Variants in C6orf89 observed in about 807,000 individuals in gnomAD.
C6orf89 encodes bombesin receptor-activated protein C6orf89.
In C6orf89, 29 loss-of-function variants were observed where a neutral mutation model predicts 40.7. The ratio of observed to expected loss-of-function variants is 0.71; its 90% CI spans 0.53 to 0.97. The LOEUF is 0.97. Among genes scored for constraint, C6orf89 ranks in the 50% least tolerant of loss-of-function variants. The probability of loss-of-function intolerance (pLI) is 0.00; values close to 1 mark genes in which losing one functional copy is unlikely to be tolerated. For synonymous variants in C6orf89, 165 were observed against 152.2 expected, an observed-to-expected ratio of 1.08 and a Z score of -0.62; for missense variants, 392 against 429.1, an observed-to-expected ratio of 0.91 and a Z score of 0.76.
At chr6:36,897,545 C>G (rs1761484397) in intron 2 of C6orf89, among the ~76,000 whole-genome samples, 1 of 152,216 alleles carries the variant, frequency 6.6e-6, no homozygotes, top group Admixed American at 6.5e-5. Flanking sequence ...GGGCTCTTCT[C>G]TCATTCCCCC....
At chr6:36,874,653 G>A (rs145636632) in intron 1 of C6orf89, 592 of 1,586,164 alleles carry the variant, frequency 3.7e-4, no homozygotes, top group African/African-American at 3.1e-3. Context: ...CAGGAACGCA[G>A]ACCCGTGGTG....
chr6:36,886,739 C>G lies in C6orf89; in HGVS notation c.-120+711C>G, dbSNP rs552133404. ...TACTTCCAGATACTTAGTATTCTGA[C>G]TTTTCTGATGGCTCATTTGGTAGTT... is the stretch of plus-strand genomic sequence containing the variant. On this transcript the variant is annotated intron_variant, in intron 1 of 8. Coordinates refer to ENST00000480824, the MANE Select transcript of C6orf89 (RefSeq NM_001286635.2). Among the ~76,000 whole-genome samples, 342 of 152,344 alleles carry G rather than the reference C, an allele frequency of 2.2e-3. 1 individual carries two copies. Among genetic ancestry groups the G allele is most frequent in the Non-Finnish European group, 4.6e-3 (316 of 68,028 alleles).
intron 4 of C6orf89, among the ~76,000 whole-genome samples, chr6:36,905,397 T>A (rs1761890842): frequency 6.6e-6 from 1 of 152,200 alleles, no homozygotes; most frequent in South Asian, 2.1e-4. Context: ...TCTACCACTG[T>A]CTCTCTCGGA....
At chr6:36,894,640 A>G in intron 2 of C6orf89, 37 bp downstream of exon 2, 3 of 829,912 alleles carry the variant, frequency 3.6e-6, no homozygotes, top group Non-Finnish European at 4.4e-6. Context: ...TGAAGTCAGG[A>G]CACTTGGGTT....
Position 36,923,569 on chromosome 6 carries a change from T to C in C6orf89, c.*128T>C. 1 of 736,162 alleles carries C rather than the reference T, an allele frequency of 1.4e-6. No homozygotes were observed. 45.6% of individuals were successfully genotyped at this position (736,162 alleles called of 1,614,324 possible). Reference sequence around the variant, plus strand: ...CTTAGTTACCTGCCCTTTGCATGCATGTGTGAACCAGCTGTGAGCTGCAAG... The same window carrying C: ...CTTAGTTACCTGCCCTTTGCATGCACGTGTGAACCAGCTGTGAGCTGCAAG... On this transcript the variant is annotated 3_prime_UTR_variant, in exon 9 of 9. Coordinates refer to ENST00000480824, the MANE Select transcript of C6orf89 (RefSeq NM_001286635.2).
Position 36,923,436 on chromosome 6 carries a change from C to T in C6orf89, c.1039C>T (p.Leu347=). 1 of 1,612,524 alleles carries T rather than the reference C, an allele frequency of 6.2e-7. No homozygotes were observed. Among genetic ancestry groups the T allele is most frequent in the Non-Finnish European group, 8.5e-7 (1 of 1,178,546 alleles). Residue 347 remains leucine, a synonymous_variant, in exon 9 of 9, where the codon CTG becomes TTG. Transcript: ENST00000480824. ...CTGCGATGGAACCGCTTTCTCAGAA[C>T]TGTAGGAAATAGAACTGTGCACAGG... is the stretch of plus-strand genomic sequence containing the variant. The part of the protein sequence containing the change: ...VICDGTAFSE[L]
rs1396430536 is a variant in C6orf89, at chr6:36,927,420, G to A, written c.*3979G>A. On this transcript the variant is annotated 3_prime_UTR_variant, in exon 9 of 9. Coordinates refer to ENST00000480824, the MANE Select transcript of C6orf89 (RefSeq NM_001286635.2). ...CCTTGTCCATAAAGGAGAAAGCCAGGTTATAGGAGAAAGAGAGAGAAAGGC... is the reference window on the plus strand; with the variant it reads ...CCTTGTCCATAAAGGAGAAAGCCAGATTATAGGAGAAAGAGAGAGAAAGGC... 1 of 152,206 alleles carries A rather than the reference G, an allele frequency of 6.6e-6. No homozygotes were observed. Among genetic ancestry groups the A allele is most frequent in the Non-Finnish European group, 1.5e-5 (1 of 68,050 alleles). The allele number at this position is 152,206 out of a possible 1,614,324, so 9.4% of individuals were successfully genotyped here.
chr6:36,913,759 A>G (rs10947646), intron 4 of C6orf89, among the ~76,000 whole-genome samples: 14,564 of 152,302 alleles, frequency 0.096, 848 homozygotes, highest in Admixed American at 0.13. Context: ...GTATACAGAG[A>G]AGAGTACCTC....
chr6:36,918,460 G>C (rs116275787), intron 7 of C6orf89, among the ~76,000 whole-genome samples: 1 of 152,216 alleles, frequency 6.6e-6, no homozygotes, highest in East Asian at 1.9e-4. Context: ...CACATTAGCC[G>C]GTGAAATGGC....
At position 36,924,226 on chromosome 6, in the gene C6orf89, ACTGCTGAGG is replaced by A; in HGVS notation, c.*787_*795del. On this transcript the variant is annotated 3_prime_UTR_variant, in exon 9 of 9. Coordinates refer to ENST00000480824, the MANE Select transcript of C6orf89 (RefSeq NM_001286635.2). Reference sequence around the variant, plus strand: ...TGCCTTGGCGGGGCCAGAGCCCACTACTGCTGAGGCAGCACTGCTCTCGTCAGCTGTGTT... The same window carrying A: ...TGCCTTGGCGGGGCCAGAGCCCACTACAGCACTGCTCTCGTCAGCTGTGTT... 6.5e-6 allele frequency: 1 copy of A among 154,288 alleles called. No individual in the cohort carries two copies. The highest frequency in any genetic ancestry group is 6.4e-5 in the Admixed American group (1 of 15,734). The allele number at this position is 154,288 out of a possible 1,614,324, so 9.6% of individuals were successfully genotyped here.
chr6:36,904,091 C>CTTCCCCTCAAAGCCTCCCTA (rs754449663), intron 4 of C6orf89, among the ~76,000 whole-genome samples: 130 of 152,202 alleles, frequency 8.5e-4, no homozygotes, highest in Non-Finnish European at 1.6e-3. Context: ...TCCTGACTGT[C>CTTCCCCTCAAAGCCTCCCTA]TTCCCCTCAA....
chr6:36,914,197 T>C, intron 4 of C6orf89, 87 bp from the exon 5 acceptor site: 5 of 1,204,220 alleles, frequency 4.2e-6, no homozygotes, highest in Non-Finnish European at 5.9e-6. Flanking sequence ...ATGATGTCTT[T>C]CCTTTCTTGT....
At chr6:36,875,506 T>G (rs1774628556) in intron 1 of C6orf89, among the ~76,000 whole-genome samples, 1 of 152,198 alleles carries the variant, frequency 6.6e-6, no homozygotes, top group Admixed American at 6.5e-5. Flanking sequence ...GGCTTAACAT[T>G]GGCTGGGATA....
At chr6:36,881,726 G>A (rs1774815036), upstream of C6orf89, among the ~76,000 whole-genome samples, 1 of 152,058 alleles carries the variant, frequency 6.6e-6, no homozygotes, top group South Asian at 2.1e-4. Flanking sequence ...GATTCTATGT[G>A]TGAACATATT....
At chr6:36,922,019 C>A (rs920897318) in intron 8 of C6orf89, among the ~76,000 whole-genome samples, 1 of 151,224 alleles carries the variant, frequency 6.6e-6, no homozygotes, top group African/African-American at 2.4e-5. Context: ...TGAAGCGAGA[C>A]CCTGTCTCTA....
In C6orf89 at chr6:36,878,827, C is replaced by T. The variant is rs185719981; in HGVS notation, c.-627-181C>T. Among the ~76,000 whole-genome samples, 265 of 152,290 alleles carry T rather than the reference C, an allele frequency of 1.7e-3. 6 individuals are homozygous for T. Among genetic ancestry groups the T allele is most frequent in the Admixed American group, 0.017 (262 of 15,294 alleles). On this transcript the variant is annotated intron_variant, in intron 1 of 9. Transcript: ENST00000359359. ...TTTAACCAATCTCGCTGTTTCTGTACCTCACTTCCTATTGCTGTACGTTAG... is the reference window on the plus strand; with the variant it reads ...TTTAACCAATCTCGCTGTTTCTGTATCTCACTTCCTATTGCTGTACGTTAG...
At chr6:36,903,697 A>C (rs1365198963) in intron 4 of C6orf89, among the ~76,000 whole-genome samples, 2 of 152,144 alleles carry the variant, frequency 1.3e-5, no homozygotes, top group Non-Finnish European at 2.9e-5. Context: ...TCATTCTTTA[A>C]GATCTAATGA....
intron 2 of C6orf89, among the ~76,000 whole-genome samples, chr6:36,897,660 A>G (rs143331843): frequency 6.6e-6 from 1 of 152,340 alleles, no homozygotes; most frequent in African/African-American, 2.4e-5. Context: ...CATTTATGAA[A>G]CGCTCTCTAG....
At chr6:36,919,115 A>G (rs1420381323) in intron 7 of C6orf89, among the ~76,000 whole-genome samples, 2 of 152,246 alleles carry the variant, frequency 1.3e-5, no homozygotes. Flanking sequence ...CTATTTATCT[A>G]AAAAGTTTTC....
Sources: gnomAD v4.1 joint callset for allele counts (sites outside exome capture counted in the v4.1 genomes callset) on GRCh38, gnomAD v4.1.1 for gene constraint, MANE v1.5 for transcripts, NCBI Gene and HGNC (gene_info 2026-07-23, HGNC 2026-07-21) for gene names.